AHCYL2: variants seen among roughly 807,000 people sequenced by gnomAD.
The protein encoded by AHCYL2 is adenosylhomocysteinase like 2.
A neutral mutation model predicts 81.4 loss-of-function variants in AHCYL2; 28 were observed. That is an observed-to-expected ratio of 0.34 (90% CI 0.25 to 0.47). The LOEUF (loss-of-function observed/expected upper bound fraction) is 0.47, where lower values mean the gene tolerates loss of function less well. AHCYL2 is among the 20% of genes least tolerant of loss of function. The probability of loss-of-function intolerance (pLI) is 1.00; values close to 1 mark genes in which losing one functional copy is unlikely to be tolerated. For synonymous variants in AHCYL2, 272 were observed against 290.2 expected (o/e 0.94, Z 0.64); for missense variants, 551 against 785.1 (o/e 0.70, Z 3.56).
chr7:129,256,801 T>A (rs986739366), intron 1 of AHCYL2, among the ~76,000 whole-genome samples: 1 of 152,040 alleles, frequency 6.6e-6, no homozygotes. Context: ...GTTTTTTTTT[T>A]AATTGTATAA....
intron 1 of AHCYL2, among the ~76,000 whole-genome samples, chr7:129,269,641 G>A (rs549965227): frequency 1.3e-5 from 2 of 152,106 alleles, no homozygotes; most frequent in East Asian, 1.9e-4. Context: ...TCACTATGTT[G>A]CCTAGGCTTG....
chr7:129,419,921 T>A lies in AHCYL2; in HGVS notation c.1462-2919T>A, dbSNP rs1199670517. Among the ~76,000 whole-genome samples the A allele has an allele frequency of 6.6e-6, 1 of 152,180 alleles. No homozygotes were observed. Among genetic ancestry groups the A allele is most frequent in the East Asian group, 1.9e-4 (1 of 5,200 alleles). On this transcript the variant is annotated intron_variant, in intron 12 of 16. Coordinates refer to ENST00000325006, the MANE Select transcript of AHCYL2 (RefSeq NM_015328.4). This position sits in a 1 kb window ranked among gnomAD's most constrained non-coding sequence, Gnocchi z 4.7. Reference sequence around the variant, plus strand: ...TAGGTCCACAGCAAAGACAACTGGATGTTTTTAAGAGAGATTCTTGTCAAG... The same window carrying A: ...TAGGTCCACAGCAAAGACAACTGGAAGTTTTTAAGAGAGATTCTTGTCAAG...
chr7:129,333,428 C>T (rs1167205157), intron 1 of AHCYL2, among the ~76,000 whole-genome samples: 1 of 151,920 alleles, frequency 6.6e-6, no homozygotes. Context: ...TATTTACACT[C>T]ACAATTGAAA....
At chr7:129,386,530 AC>A (rs541318488) in intron 2 of AHCYL2, among the ~76,000 whole-genome samples, 17 of 152,278 alleles carry the variant, frequency 1.1e-4, no homozygotes, top group African/African-American at 3.8e-4. Flanking sequence ...GGTTGAATTA[AC>A]TGTAACTACT....
At chr7:129,267,819 G>A (rs1795869002) in intron 1 of AHCYL2, among the ~76,000 whole-genome samples, 1 of 152,178 alleles carries the variant, frequency 6.6e-6, no homozygotes, top group African/African-American at 2.4e-5. Flanking sequence ...ACTGACTTCT[G>A]TATGTGTGTG....
intron 4 of AHCYL2, among the ~76,000 whole-genome samples, chr7:129,396,032 T>C (rs1268228017): frequency 2.6e-5 from 4 of 152,214 alleles, no homozygotes; most frequent in Non-Finnish European, 5.9e-5. Context: ...CTCAAATCTT[T>C]GATGGGCTCA....
At chr7:129,411,983 T>C (rs769892032) in intron 11 of AHCYL2, among the ~76,000 whole-genome samples, 2 of 152,202 alleles carry the variant, frequency 1.3e-5, no homozygotes, top group Non-Finnish European at 2.9e-5. Flanking sequence ...AGTTTTTATG[T>C]GGACATATTT....
intron 1 of AHCYL2, among the ~76,000 whole-genome samples, chr7:129,355,545 G>C (rs117398849): frequency 4.6e-5 from 7 of 152,104 alleles, no homozygotes; most frequent in Non-Finnish European, 8.8e-5. Context: ...AGTGTTCATG[G>C]CAACTTTATA....
At chr7:129,225,806 C>T (rs763662810) in intron 1 of AHCYL2, among the ~76,000 whole-genome samples, 2 of 152,174 alleles carry the variant, frequency 1.3e-5, no homozygotes, top group Non-Finnish European at 2.9e-5. Context: ...AAAAACCTTA[C>T]CGCTCACGGG....
chr7:129,303,842 T>C (rs963465809), intron 1 of AHCYL2, among the ~76,000 whole-genome samples: 2 of 152,174 alleles, frequency 1.3e-5, no homozygotes, highest in African/African-American at 4.8e-5. Flanking sequence ...CATAGCACTT[T>C]GGGAGGCTGA....
chr7:129,268,218 A>C (rs1168036962), intron 1 of AHCYL2, among the ~76,000 whole-genome samples: 1 of 152,224 alleles, frequency 6.6e-6, no homozygotes, highest in African/African-American at 2.4e-5. Context: ...TGTTTTTACC[A>C]GCTATACCTT....
chr7:129,323,873 C>CTTT (rs369389755), intron 1 of AHCYL2, among the ~76,000 whole-genome samples: 12 of 131,092 alleles, frequency 9.2e-5, no homozygotes, highest in South Asian at 2.4e-4. Flanking sequence ...GCCCTTTTAG[C>CTTT]TTTTTTTTTT....
chr7:129,401,140 A>G (rs1261602349), intron 6 of AHCYL2, among the ~76,000 whole-genome samples: 2 of 152,170 alleles, frequency 1.3e-5, no homozygotes, highest in Non-Finnish European at 2.9e-5. Flanking sequence ...CCTGGGCAAC[A>G]TAGGCTTTCT....
At chr7:129,397,191 T>C in intron 4 of AHCYL2, 31 bp from the exon 5 acceptor site, 1 of 1,591,016 alleles carries the variant, frequency 6.3e-7, no homozygotes, top group Non-Finnish European at 8.6e-7. Context: ...TGGCCCAGGC[T>C]TGCTCATACC....
chr7:129,249,263 G>T (rs1795166481), intron 1 of AHCYL2, among the ~76,000 whole-genome samples: 1 of 152,076 alleles, frequency 6.6e-6, no homozygotes, highest in African/African-American at 2.4e-5. Context: ...CTCCCAAAGT[G>T]CTGGGATTAC....
At chr7:129,391,987 G>A (rs1795492274) in intron 4 of AHCYL2, among the ~76,000 whole-genome samples, 1 of 152,162 alleles carries the variant, frequency 6.6e-6, no homozygotes. Flanking sequence ...AGACTTCAGT[G>A]TGGTAGCTTA....
At chr7:129,284,891 A>C (rs1228330493) in intron 1 of AHCYL2, among the ~76,000 whole-genome samples, 1 of 152,234 alleles carries the variant, frequency 6.6e-6, no homozygotes, top group Non-Finnish European at 1.5e-5. Flanking sequence ...AACTAGAATA[A>C]TCCAAGTTTT....
At position 129,297,529 on chromosome 7, in the gene AHCYL2, T is replaced by C. The variant is rs73722933; in HGVS notation, c.363+72090T>C. On this transcript the variant is annotated intron_variant, in intron 1 of 16. Coordinates refer to ENST00000325006, the MANE Select transcript of AHCYL2 (RefSeq NM_015328.4). ...CTTGAGACCTAATTGGTCTCCTTCC[T>C]CCTATAGACTGCTAGAAATTTCTAC... Among the ~76,000 whole-genome samples, 516 of 152,270 alleles carry C rather than the reference T, an allele frequency of 3.4e-3. 1 individual carries two copies. The highest frequency in any genetic ancestry group is 0.012 in the African/African-American group (499 of 41,550).
intron 11 of AHCYL2, chr7:129,410,501 G>A: frequency 3.1e-6 from 3 of 970,494 alleles, no homozygotes; most frequent in Non-Finnish European, 3.2e-6. Flanking sequence ...CAGCTACAGA[G>A]TTAAAAGGTA....
Sources: allele counts gnomAD v4.1 joint callset (sites outside exome capture counted in the v4.1 genomes callset), GRCh38; gene constraint gnomAD v4.1.1; non-coding constraint Gnocchi (gnomAD v3.1); transcripts MANE v1.5; gene names NCBI Gene and HGNC (gene_info 2026-07-23, HGNC 2026-07-21).